The following MUC5AC variants were observed in gnomAD, a reference collection of about 807,000 sequenced individuals.
MUC5AC encodes the protein mucin-5AC.
Under a neutral mutation model 169.7 loss-of-function variants are expected in MUC5AC, and 158 were observed. The ratio of observed to expected loss-of-function variants is 0.93; its 90% CI spans 0.82 to 1.06. MUC5AC has a LOEUF of 1.06. Ranked by LOEUF, MUC5AC falls within the 50% of genes least tolerant of loss-of-function variation. The pLI is 0.00. For missense variants in MUC5AC, 4,359 were observed against 3,089.9 expected, an observed-to-expected ratio of 1.41 and a Z score of -9.74; for synonymous variants, 1,975 against 1,237.0, an observed-to-expected ratio of 1.60 and a Z score of -12.52.
chr11:1,161,014 C>A (rs1027950755), intron 2 of MUC5AC, among the ~76,000 whole-genome samples: 5 of 152,196 alleles, frequency 3.3e-5, no homozygotes, highest in Admixed American at 1.3e-4. Context: ...CCCCGTTCAC[C>A]TCCTGACGCT....
At chr11:1,179,930 G>C in intron 26 of MUC5AC, 92 bp from the exon 27 acceptor site, 1 of 397,944 alleles carries the variant, frequency 2.5e-6, no homozygotes, top group Non-Finnish European at 4.4e-6. Context: ...GGAGGTGCAG[G>C]GGAGGGAAGC....
At position 1,200,075 on chromosome 11, in the gene MUC5AC, CCAGG is replaced by C. The variant is rs1009856021; in HGVS notation, c.16700+109_16700+112del. 42 of 621,138 alleles carry C rather than the reference CCAGG, an allele frequency of 6.8e-5. No homozygotes were observed. In the Admixed American group the frequency reaches 7.1e-4, roughly 11 times the overall value. 38.5% of individuals were successfully genotyped at this position (621,138 alleles called of 1,614,324 possible). On this transcript the variant is annotated intron_variant, in intron 48 of 48. Coordinates refer to ENST00000621226, the MANE Select transcript of MUC5AC (RefSeq NM_001304359.2). ...AGACGAGGGGCAGGACCATGAGGGG[CCAGG>C]CAAAGGGCTCTGAGGGTGAGGCGGG...
chr11:1,193,098 G>T, intron 32 of MUC5AC, 116 bp downstream of exon 32: 2 of 596,134 alleles, frequency 3.4e-6, no homozygotes, highest in Non-Finnish European at 6.0e-6. Flanking sequence ...CGCTAGTGGA[G>T]GCAGCCCGGC....
At chr11:1,172,136 T>G (rs1200527795) in intron 15 of MUC5AC, among the ~76,000 whole-genome samples, 1 of 152,162 alleles carries the variant, frequency 6.6e-6, no homozygotes, top group Admixed American at 6.5e-5. Flanking sequence ...CTGTCCACAG[T>G]GGTGGTCACT....
In MUC5AC at chr11:1,188,275, C is replaced by T. The variant is rs1018653717; in HGVS notation, c.10130C>T (p.Ala3377Val). The change falls in exon 31 of 49, where the codon GCT becomes GTT. Residue 3377 changes from alanine to valine, a missense_variant. Coordinates refer to ENST00000621226, the MANE Select transcript of MUC5AC (RefSeq NM_001304359.2). ...ACTCCACAGACCAGCACAACCTCTG[C>T]TCCTACAACCAGCACAACCTCTGCT... is the stretch of plus-strand genomic sequence containing the variant. ...TSTPQTSTTS[A>V]PTTSTTSAPT... 5.7e-6 allele frequency: 4 copies of T among 698,614 alleles called. No homozygotes were observed. The highest frequency in any genetic ancestry group is 7.8e-6 in the Non-Finnish European group (3 of 385,254). The allele number at this position is 698,614 out of a possible 1,614,324, so 43.3% of individuals were successfully genotyped here. A position where few individuals can be genotyped will look rare whatever the true frequency, so the allele number is the denominator to read the frequency against.
chr11:1,161,680 G>C, intron 3 of MUC5AC, 94 bp downstream of exon 3: 1 of 1,403,390 alleles, frequency 7.1e-7, no homozygotes. Context: ...AGGGGCCCCA[G>C]CTTTCCGGGT....
rs1345587456 is a variant in MUC5AC at position 1,159,599 on chromosome 11, G to A, written c.74-1013G>A. ...TGTGCGGGGCTGTGCGGGGCTGTGC[G>A]GGGCTGTGCGGGGCTGGGGTCTGGT... On this transcript the variant is annotated intron_variant, in intron 1 of 48. Transcript: ENST00000621226. Among the ~76,000 whole-genome samples the A allele has an allele frequency of 3.7e-4, 27 of 73,168 alleles. 1 individual carries two copies. The highest frequency in any genetic ancestry group is 4.7e-4 in the Non-Finnish European group (16 of 34,358). The allele number at this position is 73,168 out of a possible 152,430, so 48.0% of individuals were successfully genotyped here.
chr11:1,170,539 A>G (rs1860478406), intron 15 of MUC5AC, among the ~76,000 whole-genome samples: 1 of 88,704 alleles, frequency 1.1e-5, no homozygotes, highest in Non-Finnish European at 2.2e-5. Context: ...TCACCCATTC[A>G]CTCACTCGCC....
At chr11:1,169,743 GCTCACTCACTCAC>G (rs1364932665) in intron 15 of MUC5AC, among the ~76,000 whole-genome samples, 2 of 110,746 alleles carry the variant, frequency 1.8e-5, no homozygotes, top group African/African-American at 7.1e-5. Context: ...TCACCCATTC[GCTCACTCACTCAC>G]CTCACTCACT....
Position 1,168,756 on chromosome 11 carries a change from C to T in MUC5AC, c.1682C>T (p.Pro561Leu). 6.2e-7 allele frequency: 1 copy of T among 1,605,968 alleles called. No individual in the cohort carries two copies. The highest frequency in any genetic ancestry group is 8.5e-7 in the Non-Finnish European group (1 of 1,174,588). ...ATGCAGCTGTTCATGCAGCTGGCGC[C>T]CAAGCTCCGTGGGCAGACCTGCGGT... is the stretch of plus-strand genomic sequence containing the variant. ...PTMQLFMQLA[P>L]KLRGQTCGLC... Residue 561 changes from proline to leucine, a missense_variant, in exon 14 of 49, where the codon CCC becomes CTC. Pro to Leu is a moderately conservative substitution (Grantham distance 98). Coordinates refer to ENST00000621226, the MANE Select transcript of MUC5AC (RefSeq NM_001304359.2).
intron 1 of MUC5AC, among the ~76,000 whole-genome samples, chr11:1,158,924 A>C (rs1860043221): frequency 6.6e-6 from 1 of 152,036 alleles, no homozygotes; most frequent in Non-Finnish European, 1.5e-5. Context: ...GCCACCCTCC[A>C]CTGTGGCCTA....
chr11:1,198,995 T>C lies in MUC5AC; in HGVS notation c.16295T>C (p.Val5432Ala). The change falls in exon 44 of 49, where the codon GTG (valine) becomes GCG (alanine). Residue 5432 changes from valine to alanine, a missense_variant and splice_region_variant. Val to Ala is a moderately conservative substitution (Grantham distance 64). Transcript: ENST00000621226. Reference sequence around the variant, plus strand: ...CAGATCTGCAACACACACTGCCCTGTGGTGAGCGCTCCCACCCTGCCCCGA... The same window carrying C: ...CAGATCTGCAACACACACTGCCCTGCGGTGAGCGCTCCCACCCTGCCCCGA... ...ETQICNTHCP[V>A]GFEYQEQSGQ... 1.3e-6 allele frequency: 1 copy of C among 764,152 alleles called. No homozygotes were observed. The highest frequency in any genetic ancestry group is 1.3e-5 in the South Asian group (1 of 74,428). The allele number at this position is 764,152 out of a possible 1,614,324, so 47.3% of individuals were successfully genotyped here.
At chr11:1,198,122 A>G in intron 42 of MUC5AC, 118 bp downstream of exon 42, 1 of 666,394 alleles carries the variant, frequency 1.5e-6, no homozygotes, top group South Asian at 1.6e-5. Flanking sequence ...GTGGCTCTGG[A>G]CTGAGCCTTC....
chr11:1,172,842 C>T (rs1860580068), intron 16 of MUC5AC, among the ~76,000 whole-genome samples: 1 of 146,006 alleles, frequency 6.8e-6, no homozygotes, highest in Non-Finnish European at 1.5e-5. Flanking sequence ...ACTCACTCAC[C>T]CACTCATCCA....
At position 1,195,232 on chromosome 11, in the gene MUC5AC, G is replaced by A. The variant is rs543190470; in HGVS notation, c.15411G>A (p.Pro5137=). 1.2e-4 allele frequency: 92 copies of A among 759,986 alleles called. No individual in the cohort carries two copies. The Middle Eastern group carries it at 1.6e-3, about 13-fold the overall frequency. The allele number at this position is 759,986 out of a possible 1,614,324, so 47.1% of individuals were successfully genotyped here. A position where few individuals can be genotyped will look rare whatever the true frequency, so the allele number is the denominator to read the frequency against. The change falls in exon 36 of 49, where the codon CCG becomes CCA. Residue 5137 remains proline (P), a synonymous_variant. Transcript: ENST00000621226. ...CTACCACGGTCGGGCCCACCACACCGCCTGCTCCGTGCCTGCCATCACCCA... is the reference window on the plus strand; with the variant it reads ...CTACCACGGTCGGGCCCACCACACCACCTGCTCCGTGCCTGCCATCACCCA... ...VGSTTVGPTT[P]PAPCLPSPIC... is the part of the protein sequence containing the mutation.
chr11:1,188,309 C>G lies in MUC5AC; in HGVS notation c.10164C>G (p.Thr3388=), dbSNP rs1256887579. 1.4e-5 allele frequency: 10 copies of G among 696,592 alleles called. No homozygotes were observed. Among genetic ancestry groups the G allele is most frequent in the Non-Finnish European group, 2.1e-5 (8 of 382,030 alleles). The allele number at this position is 696,592 out of a possible 1,614,324, so 43.2% of individuals were successfully genotyped here. Residue 3388 remains threonine (T), a synonymous_variant, in exon 31 of 49, where the codon ACC becomes ACG. Transcript: ENST00000621226. ...CCAGCACAACCTCTGCTCCCACAAC[C>G]AGCACAACTTCTGCCCCTACAACCA... The part of the protein sequence containing the change: ...PTTSTTSAPT[T]STTSAPTTST...
intron 40 of MUC5AC, 36 bp from the exon 41 acceptor site, chr11:1,197,432 G>T: frequency 1.4e-6 from 1 of 698,652 alleles, no homozygotes; most frequent in Non-Finnish European, 2.6e-6. Context: ...GGGTGGAGCC[G>T]CTGCGGACGC....
chr11:1,175,335 A>C (rs1860644126), intron 19 of MUC5AC, 65 bp downstream of exon 19: 2 of 398,464 alleles, frequency 5.0e-6, no homozygotes. Context: ...ATCCTGAAAA[A>C]TGGCTTCAGG....
chr11:1,198,099 C>T, intron 42 of MUC5AC, 95 bp downstream of exon 42: 1 of 646,426 alleles, frequency 1.5e-6, no homozygotes, highest in East Asian at 2.7e-5. Flanking sequence ...TGCGGCTTGT[C>T]CACTGCGGGT....
Sources: allele counts gnomAD v4.1 joint callset (sites outside exome capture counted in the v4.1 genomes callset), GRCh38; gene constraint gnomAD v4.1.1; transcripts MANE v1.5; gene names NCBI Gene and HGNC (gene_info 2026-07-23, HGNC 2026-07-21).